Variants in SPANXN3 observed in about 807,000 individuals in gnomAD.
SPANXN3 encodes the protein SPANX family member N3, also known as sperm protein associated with the nucleus on the X chromosome N3.
Under a neutral mutation model 1.9 loss-of-function variants are expected in SPANXN3, and 1 was observed. That is an observed-to-expected ratio of 0.54 (90% CI 0.19 to 2.54). The LOEUF is 2.54. Among genes scored for constraint, SPANXN3 ranks in the 30% most tolerant of loss-of-function variants. The pLI, the probability that SPANXN3 is intolerant of heterozygous loss-of-function variation, is 0.24. For missense variants in SPANXN3, 113 were observed against 96.2 expected, an observed-to-expected ratio of 1.17 and a Z score of -0.73; for synonymous variants, 47 against 40.0, an observed-to-expected ratio of 1.17 and a Z score of -0.66.
chrX:143,511,507 C>T (rs1476817764), intron 1 of SPANXN3, among the ~76,000 whole-genome samples: 1 of 111,353 alleles, frequency 9.0e-6, no homozygotes, highest in Non-Finnish European at 1.9e-5. Flanking sequence ...GGATGGCCCT[C>T]AAACCTCCAA....
At chrX:143,513,911 A>G (rs1929155080) in intron 1 of SPANXN3, among the ~76,000 whole-genome samples, 1 of 112,234 alleles carries the variant, frequency 8.9e-6, no homozygotes, top group Admixed American at 9.4e-5. Context: ...TGCCCTAACC[A>G]GGGCCCTCAC....
intron 1 of SPANXN3, among the ~76,000 whole-genome samples, chrX:143,517,048 A>G (rs1929235320): frequency 9.0e-6 from 1 of 111,060 alleles, no homozygotes; most frequent in East Asian, 2.9e-4. Flanking sequence ...ATACACCACA[A>G]TGACATCCCA....
At chrX:143,515,546 CTCCTACT>C (rs1239432987) in intron 1 of SPANXN3, among the ~76,000 whole-genome samples, 1 of 111,289 alleles carries the variant, frequency 9.0e-6, no homozygotes, top group Non-Finnish European at 1.9e-5. Context: ...CAAAATTTCA[CTCCTACT>C]CAAATCTCCT....
intron 1 of SPANXN3, among the ~76,000 whole-genome samples, chrX:143,510,361 G>A (rs1556411517): frequency 9.0e-6 from 1 of 110,930 alleles, no homozygotes; most frequent in African/African-American, 3.3e-5. Flanking sequence ...CCTCTGGGGA[G>A]CATGAATAGC....
intron 1 of SPANXN3, among the ~76,000 whole-genome samples, chrX:143,514,776 A>C (rs1929175034): frequency 8.9e-6 from 1 of 111,818 alleles, no homozygotes; most frequent in Non-Finnish European, 1.9e-5. Context: ...AAGGCTGTAA[A>C]CATTAAATTG....
chrX:143,513,828 T>G (rs1397211311), intron 1 of SPANXN3, among the ~76,000 whole-genome samples: 1 of 111,958 alleles, frequency 8.9e-6, no homozygotes, highest in Non-Finnish European at 1.9e-5. Context: ...GGCTATTCCA[T>G]CATTGCTGAA....
chrX:143,510,924 A>G (rs782680294), intron 1 of SPANXN3, among the ~76,000 whole-genome samples: 2 of 110,627 alleles, frequency 1.8e-5, no homozygotes, highest in South Asian at 8.0e-4. Context: ...CGAAAACCAG[A>G]CACATGCCCA....
intron 1 of SPANXN3, among the ~76,000 whole-genome samples, chrX:143,516,347 C>A (rs782603827): frequency 3.6e-5 from 4 of 112,435 alleles, no homozygotes; most frequent in Non-Finnish European, 7.5e-5. Flanking sequence ...ACTCTTATCT[C>A]TGCCTACTGG....
intron 1 of SPANXN3, among the ~76,000 whole-genome samples, chrX:143,513,247 T>A (rs1397197547): frequency 8.9e-6 from 1 of 111,746 alleles, no homozygotes; most frequent in Non-Finnish European, 1.9e-5. Context: ...AACTTAAAAA[T>A]GCCCTTTTAA....
chrX:143,513,865 G>C (rs1556412094), intron 1 of SPANXN3, among the ~76,000 whole-genome samples: 2 of 111,934 alleles, frequency 1.8e-5, no homozygotes, highest in African/African-American at 6.5e-5. Context: ...CCAATGCTCT[G>C]CCACCCCATG....
rs1188843319 is a variant in SPANXN3, at chrX:143,516,749, A to G, written c.78+565T>C. On this transcript the variant is annotated intron_variant, in intron 1 of 1. Transcript: ENST00000370503. ...CAGGAAAACAACTCTGAAGTCCAAC[A>G]CCCACTGCTTCAAAACCCAAACCCT... 3 of 115,387 alleles carry G rather than the reference A, an allele frequency of 2.6e-5. No homozygotes were observed. In the Admixed American group the frequency reaches 2.7e-4, roughly 10 times the overall value. 9.5% of individuals were successfully genotyped at this position (115,387 alleles called of 1,213,427 possible).
intron 1 of SPANXN3, among the ~76,000 whole-genome samples, chrX:143,513,832 T>C (rs1369742853): frequency 1.8e-5 from 2 of 111,971 alleles, no homozygotes; most frequent in African/African-American, 6.5e-5. Flanking sequence ...ATTCCATCAT[T>C]GCTGAAAATA....
chrX:143,515,720 C>T (rs781979775), intron 1 of SPANXN3, among the ~76,000 whole-genome samples: 1 of 111,067 alleles, frequency 9.0e-6, no homozygotes, highest in Non-Finnish European at 1.9e-5. Context: ...CCACACAAAT[C>T]CAGCAATTCA....
intron 1 of SPANXN3, among the ~76,000 whole-genome samples, chrX:143,513,365 A>C (rs1208432836): frequency 2.7e-5 from 3 of 112,361 alleles, no homozygotes; most frequent in Non-Finnish European, 5.6e-5. Flanking sequence ...CGGCAACGCC[A>C]CACAAGCCAC....
At chrX:143,513,215 G>T (rs1929135788) in intron 1 of SPANXN3, among the ~76,000 whole-genome samples, 2 of 111,658 alleles carry the variant, frequency 1.8e-5, no homozygotes, top group East Asian at 2.8e-4. Flanking sequence ...AACCCAGCTT[G>T]CCCCATCAAC....
At chrX:143,512,426 C>T (rs1929114400) in intron 1 of SPANXN3, among the ~76,000 whole-genome samples, 1 of 111,523 alleles carries the variant, frequency 9.0e-6, no homozygotes. Context: ...TATTTGTAAA[C>T]TTTAACAAGC....
chrX:143,516,716 A>G (rs1406238029), intron 1 of SPANXN3: 1 of 114,934 alleles, frequency 8.7e-6, no homozygotes, highest in East Asian at 2.8e-4. Flanking sequence ...GTCCAGTACC[A>G]GTGCCTCCAG....
chrX:143,516,113 C>T (rs782472197), intron 1 of SPANXN3, among the ~76,000 whole-genome samples: 3,980 of 111,507 alleles, frequency 0.036, 170 homozygotes, highest in African/African-American at 0.12. Flanking sequence ...ACCCATTTCC[C>T]CCTCTCTTTC....
intron 1 of SPANXN3, among the ~76,000 whole-genome samples, chrX:143,515,237 T>C (rs1211501682): frequency 1.8e-5 from 2 of 110,522 alleles, no homozygotes; most frequent in Non-Finnish European, 3.8e-5. Flanking sequence ...AAAGCTAACA[T>C]CCTTTCCACA....
Sources: gnomAD v4.1 joint callset for allele counts (sites outside exome capture counted in the v4.1 genomes callset) on GRCh38, gnomAD v4.1.1 for gene constraint, MANE v1.5 for transcripts, NCBI Gene and HGNC (gene_info 2026-07-23, HGNC 2026-07-21) for gene names.